The following PCDHGA1 variants were observed in gnomAD, a reference collection of about 807,000 sequenced individuals.
PCDHGA1 encodes the protein protocadherin gamma-A1.
A neutral mutation model predicts 58.0 loss-of-function variants in PCDHGA1; 32 were observed. The observed-to-expected ratio is 0.55, with a 90% CI of 0.42 to 0.74. PCDHGA1 has a LOEUF of 0.74. Among genes scored for constraint, PCDHGA1 ranks in the 30% least tolerant of loss-of-function variants. The pLI, the probability that PCDHGA1 is intolerant of heterozygous loss-of-function variation, is 0.00. For missense variants in PCDHGA1, 1,205 were observed against 1,182.3 expected, an observed-to-expected ratio of 1.02 and a Z score of -0.28; for synonymous variants, 498 against 501.1, an observed-to-expected ratio of 0.99 and a Z score of 0.08.
Position 141,383,719 on chromosome 5 carries a change from A to C in PCDHGA1, c.2421+50614A>C, listed in dbSNP as rs779948364. The C allele has an allele frequency of 6.2e-6, 10 of 1,613,982 alleles. No individual in the cohort carries two copies. The East Asian group carries it at 2.2e-4, about 36-fold the overall frequency. ...TGCTATCGACCTGGACGAGGGAGTCAATGGGGAAGTGACATATTCTTTTCG... is the reference window on the plus strand; with the variant it reads ...TGCTATCGACCTGGACGAGGGAGTCCATGGGGAAGTGACATATTCTTTTCG... On this transcript the variant is annotated intron_variant, in intron 1 of 3. Transcript: ENST00000517417.
intron 2 of PCDHGA1, among the ~76,000 whole-genome samples, chr5:141,495,587 C>T (rs1391263118): frequency 6.6e-6 from 1 of 152,238 alleles, no homozygotes. Context: ...TTCTCCATCT[C>T]TGTCTTAGCT....
intron 1 of PCDHGA1, among the ~76,000 whole-genome samples, chr5:141,373,247 G>A (rs558862045): frequency 1.3e-5 from 2 of 152,208 alleles, no homozygotes; most frequent in African/African-American, 4.8e-5. Context: ...ACTTCCCTTT[G>A]CATGTTTTTA....
rs1316573600 is a variant in PCDHGA1 at position 141,490,443 on chromosome 5, G to A, written c.2422-4364G>A. The A allele has an allele frequency of 1.2e-6, 2 of 1,614,174 alleles. No individual in the cohort carries two copies. Among genetic ancestry groups the A allele is most frequent in the Non-Finnish European group, 8.5e-7 (1 of 1,180,042 alleles). On this transcript the variant is annotated intron_variant, in intron 1 of 3. Coordinates refer to ENST00000517417, the MANE Select transcript of PCDHGA1 (RefSeq NM_018912.3). The surrounding 1 kb of genome is among the most constrained non-coding windows in gnomAD (Gnocchi z 5.4). ...TGCCATTTCAGATTAAGCCTTCTGA[G>A]AACCACTACTCGCTGCTAACCAGCC...
At chr5:141,423,119 G>T (rs769320490) in intron 1 of PCDHGA1, 2 of 1,613,774 alleles carry the variant, frequency 1.2e-6, no homozygotes, top group Non-Finnish European at 1.7e-6. Context: ...CGTACAGCGC[G>T]GGCACTGCTG....
At chr5:141,417,532 T>TA (rs1457524771) in intron 1 of PCDHGA1, 17 of 284,868 alleles carry the variant, frequency 6.0e-5, no homozygotes, top group Non-Finnish European at 8.4e-5. Context: ...ACTCGTAGTT[T>TA]AAAAAAAATT....
intron 1 of PCDHGA1, among the ~76,000 whole-genome samples, chr5:141,482,329 T>C (rs1334833454): frequency 6.6e-6 from 1 of 152,160 alleles, no homozygotes; most frequent in Non-Finnish European, 1.5e-5. Context: ...ATAAAGAGAA[T>C]ATCTACTTTG....
chr5:141,478,576 G>C (rs543160289), intron 1 of PCDHGA1: 3 of 1,585,598 alleles, frequency 1.9e-6, no homozygotes, highest in Middle Eastern at 3.3e-4. Flanking sequence ...GCTTGACCCT[G>C]TTAGTGCTTT....
intron 1 of PCDHGA1, chr5:141,403,345 A>C (rs1267522141): frequency 1.2e-6 from 2 of 1,614,050 alleles, no homozygotes; most frequent in South Asian, 2.2e-5. Context: ...ACAGCGCCCC[A>C]AAGTTCCAGG....
chr5:141,350,460 G>A (rs767775457), intron 1 of PCDHGA1: 71 of 1,613,782 alleles, frequency 4.4e-5, no homozygotes, highest in Non-Finnish European at 5.8e-5. Flanking sequence ...CTGCGGGTTA[G>A]TGCAGAGGAT....
intron 1 of PCDHGA1, among the ~76,000 whole-genome samples, chr5:141,462,012 G>A (rs1046109009): frequency 9.9e-5 from 15 of 152,128 alleles, no homozygotes; most frequent in Admixed American, 5.9e-4. Context: ...TAATAGAGAC[G>A]GGGTTTCTTC....
At chr5:141,478,165 C>T (rs780594020) in intron 1 of PCDHGA1, 18 of 1,613,920 alleles carry the variant, frequency 1.1e-5, no homozygotes, top group Non-Finnish European at 1.5e-5. Context: ...GCTCTGCCCC[C>T]CGGGAGCAGA....
At chr5:141,384,283 G>T (rs762515266) in intron 1 of PCDHGA1, 17 of 1,613,644 alleles carry the variant, frequency 1.1e-5, no homozygotes, top group Admixed American at 1.7e-5. Flanking sequence ...AGTCTACATC[G>T]CTGAGAACAA....
chr5:141,399,081 G>A (rs1336220348), intron 1 of PCDHGA1: 2 of 1,613,758 alleles, frequency 1.2e-6, no homozygotes, highest in African/African-American at 1.3e-5. Context: ...TAGAAGGGAG[G>A]GATGGTGGTG....
chr5:141,403,773 A>T, intron 1 of PCDHGA1: 1 of 1,613,956 alleles, frequency 6.2e-7, no homozygotes, highest in South Asian at 1.1e-5. Context: ...GAGGGAATCA[A>T]CGGAAAAGTG....
chr5:141,459,843 T>C (rs1328781794), intron 1 of PCDHGA1, among the ~76,000 whole-genome samples: 1 of 152,228 alleles, frequency 6.6e-6, no homozygotes, highest in African/African-American at 2.4e-5. Context: ...TGTCTATTTG[T>C]ATATCTTCTT....
chr5:141,483,538 G>C (rs571240759), intron 1 of PCDHGA1, among the ~76,000 whole-genome samples: 1 of 152,230 alleles, frequency 6.6e-6, no homozygotes, highest in African/African-American at 2.4e-5. Flanking sequence ...AAGCTGGGTG[G>C]TTGACAGTGC....
chr5:141,427,955 G>A (rs749241312), intron 1 of PCDHGA1: 1 of 1,587,202 alleles, frequency 6.3e-7, no homozygotes, highest in Non-Finnish European at 8.6e-7. Context: ...ATGACAATGT[G>A]CCGCGGGTGC....
chr5:141,463,364 T>C (rs1166107031), intron 1 of PCDHGA1, among the ~76,000 whole-genome samples: 2 of 150,250 alleles, frequency 1.3e-5, no homozygotes, highest in Admixed American at 6.6e-5. Context: ...TCCCCTTTCC[T>C]GCCCCACAGT....
chr5:141,505,377 C>G lies in PCDHGA1; in HGVS notation c.2481-16C>G, dbSNP rs1368451336. 1.9e-6 allele frequency: 3 copies of G among 1,614,036 alleles called. No homozygotes were observed. In the East Asian group the frequency reaches 6.7e-5, roughly 36 times the overall value. On this transcript the variant is annotated splice_polypyrimidine_tract_variant and intron_variant, in intron 2 of 3. Coordinates refer to ENST00000517417, the MANE Select transcript of PCDHGA1 (RefSeq NM_018912.3). Reference sequence around the variant, plus strand: ...CGGCCTGGGAGTCTGTGCTCACCATCCTACTCTCTCCCCAGCTCCCAAAAT... The same window carrying G: ...CGGCCTGGGAGTCTGTGCTCACCATGCTACTCTCTCCCCAGCTCCCAAAAT...
Sources: allele counts gnomAD v4.1 joint callset (sites outside exome capture counted in the v4.1 genomes callset), GRCh38; gene constraint gnomAD v4.1.1; non-coding constraint Gnocchi (gnomAD v3.1); transcripts MANE v1.5; gene names NCBI Gene and HGNC (gene_info 2026-07-23, HGNC 2026-07-21).